Variants in SLC22A24 observed in about 807,000 individuals in gnomAD.
SLC22A24 encodes the protein steroid transmembrane transporter SLC22A24.
A neutral mutation model predicts 49.8 loss-of-function variants in SLC22A24; 53 were observed. The ratio of observed to expected loss-of-function variants is 1.06; its 90% CI spans 0.85 to 1.34. The LOEUF (loss-of-function observed/expected upper bound fraction) is 1.34. Among genes scored for constraint, SLC22A24 ranks in the 40% most tolerant of loss-of-function variants. The pLI is 0.00. For synonymous variants in SLC22A24, 302 were observed against 256.4 expected (o/e 1.18, Z -1.70); for missense variants, 786 against 675.9 (o/e 1.16, Z -1.81).
chr11:63,120,428 A>C (rs544383207), intron 2 of SLC22A24, among the ~76,000 whole-genome samples: 1 of 151,896 alleles, frequency 6.6e-6, no homozygotes, highest in Admixed American at 6.6e-5. Context: ...CAATGTGCAC[A>C]TGTACCCTAA....
At chr11:63,103,059 C>A (rs775777064) in intron 5 of SLC22A24, among the ~76,000 whole-genome samples, 2 of 152,112 alleles carry the variant, frequency 1.3e-5, no homozygotes, top group Non-Finnish European at 2.9e-5. Context: ...GGACTTTGAG[C>A]ATATGCTATA....
chr11:63,119,555 A>G (rs541214658), intron 2 of SLC22A24, among the ~76,000 whole-genome samples: 9 of 152,300 alleles, frequency 5.9e-5, no homozygotes, highest in African/African-American at 1.9e-4. Context: ...TCACCAAACC[A>G]TCACTGGAAG....
Position 63,114,529 on chromosome 11 carries a change from A to G in SLC22A24, c.830+4383T>C, listed in dbSNP as rs182408337. On this transcript the variant is annotated intron_variant, in intron 4 of 9. Transcript: ENST00000612278. ...CTCCTTTAGCTCGGAGAAGTTTGTT[A>G]TTATTGACCTTCTGAAGCCTACTTC... Among the ~76,000 whole-genome samples, 3 of 152,204 alleles carry G rather than the reference A, an allele frequency of 2.0e-5. No homozygotes were observed. The East Asian group carries it at 5.8e-4, about 29-fold the overall frequency.
chr11:63,092,383 T>G (rs1346972416), intron 6 of SLC22A24, among the ~76,000 whole-genome samples: 1 of 103,488 alleles, frequency 9.7e-6, no homozygotes, highest in African/African-American at 3.2e-5. Context: ...ACTTTCTTTG[T>G]AGAATTAGAA....
intron 5 of SLC22A24, among the ~76,000 whole-genome samples, chr11:63,097,795 C>A (rs1280965095): frequency 6.6e-6 from 1 of 152,048 alleles, no homozygotes; most frequent in Non-Finnish European, 1.5e-5. Flanking sequence ...TGGAAACCAT[C>A]ATTTTCAGCA....
At chr11:63,133,496 G>A (rs989695392) in intron 2 of SLC22A24, among the ~76,000 whole-genome samples, 1 of 152,130 alleles carries the variant, frequency 6.6e-6, no homozygotes, top group South Asian at 2.1e-4. Context: ...ATGACATTGA[G>A]CATCTAAACT....
intron 2 of SLC22A24, among the ~76,000 whole-genome samples, chr11:63,130,224 T>C (rs965226689): frequency 6.6e-6 from 1 of 152,232 alleles, no homozygotes; most frequent in African/African-American, 2.4e-5. Flanking sequence ...TCTGCATCTA[T>C]TGAGATAATC....
chr11:63,081,149 A>G, intron 8 of SLC22A24, 26 bp from the exon 9 acceptor site: 1 of 1,535,812 alleles, frequency 6.5e-7, no homozygotes, highest in Non-Finnish European at 8.8e-7. Flanking sequence ...ACAATACAAA[A>G]AATCTTGTAT....
intron 6 of SLC22A24, among the ~76,000 whole-genome samples, chr11:63,083,751 T>G (rs2086972577): frequency 6.6e-6 from 1 of 152,150 alleles, no homozygotes; most frequent in Non-Finnish European, 1.5e-5. Context: ...ATATTATCAA[T>G]GAAAGTTAAA....
chr11:63,081,619 C>T lies in SLC22A24; in HGVS notation c.1333G>A (p.Val445Ile). The T allele has an allele frequency of 6.4e-7, 1 of 1,551,638 alleles. No homozygotes were observed. Among genetic ancestry groups the T allele is most frequent in the Non-Finnish European group, 8.7e-7 (1 of 1,146,928 alleles). The change falls in exon 8 of 10, where the codon GTT (valine) becomes ATT (isoleucine). Residue 445 changes from valine (V) to isoleucine (I), a missense_variant. Coordinates refer to ENST00000612278, the MANE Select transcript of SLC22A24 (RefSeq NM_001136506.2). ...GAAGCACTGTTGCTAGCAGCAGAAACACTACCAATTCCCAAAGTTGCTAAA... is the reference window on the plus strand; with the variant it reads ...GAAGCACTGTTGCTAGCAGCAGAAATACTACCAATTCCCAAAGTTGCTAAA... ...VVLATLGIGS[V>I]SAASNSASVH... is the part of the protein sequence containing the mutation.
chr11:63,122,482 A>C (rs1376650897), intron 2 of SLC22A24, among the ~76,000 whole-genome samples: 1 of 152,192 alleles, frequency 6.6e-6, no homozygotes, highest in Non-Finnish European at 1.5e-5. Flanking sequence ...TGTTTGATGA[A>C]GATAAACAGA....
rs927305005 is a variant in SLC22A24 at position 63,081,782 on chromosome 11, A to G, written c.1286-116T>C. ...CAAGTGTGAAATATGTGGTAGACAA[A>G]CTGCAACATGCCAGAGATTGGGGAA... On this transcript the variant is annotated intron_variant, in intron 7 of 9. Coordinates refer to ENST00000612278, the MANE Select transcript of SLC22A24 (RefSeq NM_001136506.2). The G allele has an allele frequency of 5.7e-6, 4 of 697,256 alleles. No individual in the cohort carries two copies. In the African/African-American group the frequency reaches 7.0e-5, roughly 12 times the overall value. The allele number at this position is 697,256 out of a possible 1,614,324, so 43.2% of individuals were successfully genotyped here.
At chr11:63,104,030 G>A (rs2087105937) in intron 5 of SLC22A24, 145 bp downstream of exon 5, 2 of 672,244 alleles carry the variant, frequency 3.0e-6, no homozygotes, top group East Asian at 3.0e-5. Context: ...TTGACAGGAG[G>A]AAAGATATAT....
At chr11:63,139,116 T>G (rs1018499456) in intron 1 of SLC22A24, among the ~76,000 whole-genome samples, 1 of 152,202 alleles carries the variant, frequency 6.6e-6, no homozygotes, top group Non-Finnish European at 1.5e-5. Flanking sequence ...GTTTTTCTCT[T>G]CTTGGAACTT....
rs1362988824 is a variant in SLC22A24, at chr11:63,119,352, C to T, written c.507-17G>A. The T allele has an allele frequency of 2.0e-6, 3 of 1,505,218 alleles. No homozygotes were observed. The highest frequency in any genetic ancestry group is 8.9e-7 in the Non-Finnish European group (1 of 1,127,154). The allele number at this position is 1,505,218 out of a possible 1,614,324, so 93.2% of individuals were successfully genotyped here. On this transcript the variant is annotated splice_polypyrimidine_tract_variant and intron_variant, in intron 2 of 9. Transcript: ENST00000612278. ...CGTCCAACCCTAAGAAATATTAAAC[C>T]AGATAACGTTACTTAGGAACAAAAA...
At chr11:63,080,337 G>A (rs2086951918) in intron 9 of SLC22A24, among the ~76,000 whole-genome samples, 1 of 151,846 alleles carries the variant, frequency 6.6e-6, no homozygotes. Flanking sequence ...TCTTAATTTT[G>A]TCTCCTCAAA....
intron 5 of SLC22A24, among the ~76,000 whole-genome samples, chr11:63,100,287 GA>G (rs1192615476): frequency 1.3e-5 from 2 of 151,912 alleles, no homozygotes; most frequent in African/African-American, 4.8e-5. Flanking sequence ...TGAACAATCT[GA>G]AAAATAAATT....
chr11:63,098,855 A>G (rs1212681527), intron 5 of SLC22A24, among the ~76,000 whole-genome samples: 3 of 152,106 alleles, frequency 2.0e-5, no homozygotes, highest in African/African-American at 7.2e-5. Context: ...TTGAAAAGAT[A>G]AACAAAATTG....
At chr11:63,105,692 C>T (rs7117494) in intron 4 of SLC22A24, among the ~76,000 whole-genome samples, 120,339 of 151,860 alleles carry the variant, frequency 0.79, 48,879 homozygotes, top group East Asian at 0.9. Flanking sequence ...TTTTTTTTCT[C>T]CTAGGTAAAT....
Sources: gnomAD v4.1 joint callset for allele counts (sites outside exome capture counted in the v4.1 genomes callset) on GRCh38, gnomAD v4.1.1 for gene constraint, MANE v1.5 for transcripts, NCBI Gene and HGNC (gene_info 2026-07-23, HGNC 2026-07-21) for gene names.